Variants in CDKL5 observed in about 807,000 individuals in gnomAD.
CDKL5 encodes cyclin-dependent kinase-like 5.
A neutral mutation model predicts 61.7 loss-of-function variants in CDKL5; 8 were observed. That is an observed-to-expected ratio of 0.13 (90% CI 0.08 to 0.23). The LOEUF (loss-of-function observed/expected upper bound fraction) is 0.23, where lower values mean the gene tolerates loss of function less well. Ranked by LOEUF, CDKL5 falls within the 10% of genes least tolerant of loss-of-function variation. The pLI is 1.00. For missense variants in CDKL5, 440 were observed against 734.5 expected, an observed-to-expected ratio of 0.60 and a Z score of 4.63; for synonymous variants, 275 against 272.3, an observed-to-expected ratio of 1.01 and a Z score of -0.10.
In CDKL5 at chrX:18,653,347, T is replaced by TG. The variant is rs1569232339; in HGVS notation, c.2981-79dup. On this transcript the variant is annotated intron_variant, in intron 21 of 21. Coordinates refer to the CDKL5 transcript ENST00000379989. Reference sequence around the variant, plus strand: ...AGAATGCATGTGGCCTTCTGCTCCGTGGGGGGCCCGGGCATTAGCCAGAGT... The same window carrying TG: ...AGAATGCATGTGGCCTTCTGCTCCGTGGGGGGGCCCGGGCATTAGCCAGAGT... 3 of 1,171,770 alleles carry TG rather than the reference T, an allele frequency of 2.6e-6. No individual in the cohort carries two copies. In the African/African-American group the frequency reaches 5.3e-5, roughly 21 times the overall value.
Position 18,604,423 on chromosome X carries a change from A to G in CDKL5, c.1499A>G (p.Asn500Ser). The change falls in exon 12 of 18, where the codon AAC becomes AGC. Residue 500 changes from asparagine to serine, a missense_variant. Asn to Ser is a conservative substitution (Grantham distance 46, BLOSUM62 1). Around this residue, in one of 2 missense-constraint regions of CDKL5, gnomAD observed 363 missense variants for 516.3 expected, o/e 0.70. Coordinates refer to ENST00000623535, the MANE Select transcript of CDKL5 (RefSeq NM_001323289.2). ...GALSDSKSVSNLSEARAQIAE... is the reference protein window; with the variant it reads ...GALSDSKSVSSLSEARAQIAE... ...CTGAGTGACTCCAAGTCTGTGAGCA[A>G]CCTTTCTGAAGCCAGGGCCCAAATT... 1 of 1,211,553 alleles carries G rather than the reference A, an allele frequency of 8.3e-7. No homozygotes were observed. Among genetic ancestry groups the G allele is most frequent in the Non-Finnish European group, 1.1e-6 (1 of 895,350 alleles).
chrX:18,594,406 A>C (rs1206627700), intron 9 of CDKL5, among the ~76,000 whole-genome samples: 1 of 112,142 alleles, frequency 8.9e-6, no homozygotes, highest in African/African-American at 3.2e-5. Context: ...TTAATCTAGG[A>C]ACCTGTTTGT....
intron 3 of CDKL5, among the ~76,000 whole-genome samples, chrX:18,548,147 T>TA (rs1390915400): frequency 9.2e-6 from 1 of 108,857 alleles, no homozygotes; most frequent in East Asian, 2.8e-4. Context: ...TTTTTTTTTT[T>TA]AAATAAGGGA....
intron 1 of CDKL5, among the ~76,000 whole-genome samples, chrX:18,503,804 C>T (rs1378464791): frequency 2.7e-5 from 3 of 111,864 alleles, no homozygotes; most frequent in Non-Finnish European, 5.6e-5. Flanking sequence ...TGCAGTGGTG[C>T]GATCACGGCT....
intron 3 of CDKL5, among the ~76,000 whole-genome samples, chrX:18,513,088 G>T (rs762602384): frequency 9.0e-6 from 1 of 111,645 alleles, no homozygotes; most frequent in Non-Finnish European, 1.9e-5. Context: ...TACACATCAT[G>T]TACAGAGTCC....
chrX:18,500,351 A>G (rs1024116646), intron 1 of CDKL5, among the ~76,000 whole-genome samples: 2 of 111,884 alleles, frequency 1.8e-5, no homozygotes, highest in East Asian at 5.6e-4. Context: ...ATTATTGCTA[A>G]CAAACTTTCT....
intron 10 of CDKL5, among the ~76,000 whole-genome samples, chrX:18,597,076 C>A (rs1035476423): frequency 9.0e-6 from 1 of 111,050 alleles, no homozygotes; most frequent in Non-Finnish European, 1.9e-5. Flanking sequence ...GAGAAAATTA[C>A]TAACACCCTG....
intron 1 of CDKL5, among the ~76,000 whole-genome samples, chrX:18,480,794 A>G (rs1921515673): frequency 9.2e-6 from 1 of 108,969 alleles, no homozygotes; most frequent in Non-Finnish European, 1.9e-5. Flanking sequence ...GATTTGACAT[A>G]GCACACTTCT....
intron 1 of CDKL5, among the ~76,000 whole-genome samples, chrX:18,445,761 A>G (rs1373964431): frequency 2.7e-5 from 3 of 111,165 alleles, no homozygotes; most frequent in Non-Finnish European, 5.7e-5. Flanking sequence ...ATGATTGTTA[A>G]GTTTCCTGAG....
At chrX:18,513,265 T>C (rs1922891558) in intron 3 of CDKL5, among the ~76,000 whole-genome samples, 1 of 111,687 alleles carries the variant, frequency 9.0e-6, no homozygotes, top group Admixed American at 9.6e-5. Flanking sequence ...TTGTTTCATA[T>C]ACCTGGTTCT....
intron 1 of CDKL5, among the ~76,000 whole-genome samples, chrX:18,484,673 C>G (rs1214731005): frequency 1.8e-5 from 2 of 111,070 alleles, no homozygotes; most frequent in Non-Finnish European, 3.8e-5. Context: ...TATCCCAAGC[C>G]CATTTCTTTC....
At chrX:18,552,237 CAAA>C (rs777290725) in intron 3 of CDKL5, among the ~76,000 whole-genome samples, 3 of 38,751 alleles carry the variant, frequency 7.7e-5, no homozygotes, top group Non-Finnish European at 1.5e-4. Context: ...GACTCCGTCT[CAAA>C]AAAAAAAAAA....
At chrX:18,500,140 A>G (rs1170086564) in intron 1 of CDKL5, among the ~76,000 whole-genome samples, 1 of 111,368 alleles carries the variant, frequency 9.0e-6, no homozygotes, top group Non-Finnish European at 1.9e-5. Flanking sequence ...CTTTCTCCTT[A>G]TTTATAAAAA....
chrX:18,561,762 A>T (rs1924813700), intron 3 of CDKL5, among the ~76,000 whole-genome samples: 1 of 111,237 alleles, frequency 9.0e-6, no homozygotes, highest in African/African-American at 3.3e-5. Context: ...TAGTGTTTAG[A>T]AATTATATTA....
chrX:18,540,922 C>T (rs1456160206), intron 3 of CDKL5, among the ~76,000 whole-genome samples: 4 of 110,900 alleles, frequency 3.6e-5, no homozygotes, highest in South Asian at 3.8e-4. Flanking sequence ...CTCTTGACCT[C>T]GTGATCCACC....
At chrX:18,565,714 C>G (rs1924948147) in intron 4 of CDKL5, among the ~76,000 whole-genome samples, 1 of 112,359 alleles carries the variant, frequency 8.9e-6, no homozygotes, top group African/African-American at 3.2e-5. Flanking sequence ...TGTAATCCAT[C>G]TCTGATGTGC....
chrX:18,461,333 C>A (rs996810041), intron 1 of CDKL5, among the ~76,000 whole-genome samples: 42 of 112,381 alleles, frequency 3.7e-4, no homozygotes, highest in African/African-American at 1.3e-3. Flanking sequence ...TGCCATTAGG[C>A]ATTTTTACTG....
chrX:18,643,275 T>C (rs897428398), downstream of CDKL5, among the ~76,000 whole-genome samples: 3 of 111,988 alleles, frequency 2.7e-5, no homozygotes, highest in Non-Finnish European at 5.6e-5. Flanking sequence ...GATTATCTCC[T>C]GAAAATATCT....
chrX:18,586,509 T>C (rs1014917192), intron 8 of CDKL5, among the ~76,000 whole-genome samples: 1 of 111,442 alleles, frequency 9.0e-6, no homozygotes, highest in Non-Finnish European at 1.9e-5. Flanking sequence ...AAAACTGGAG[T>C]TATGTTTAGA....
Sources: allele counts gnomAD v4.1 joint callset (sites outside exome capture counted in the v4.1 genomes callset), GRCh38; gene constraint gnomAD v4.1.1; regional missense constraint gnomAD v4.1.1; transcripts MANE v1.5; gene names NCBI Gene and HGNC (gene_info 2026-07-23, HGNC 2026-07-21).